LHPP: variants seen among roughly 807,000 people sequenced by gnomAD.
The protein encoded by LHPP is phospholysine phosphohistidine inorganic pyrophosphate phosphatase, also known as hLHPP.
In LHPP, 24 loss-of-function variants were observed where a neutral mutation model predicts 30.3. That is an observed-to-expected ratio of 0.79 (90% CI 0.57 to 1.11). The LOEUF (loss-of-function observed/expected upper bound fraction) is 1.11, where lower values mean the gene tolerates loss of function less well. Ranked by LOEUF, LHPP falls within the 50% of genes most tolerant of loss-of-function variation. LHPP has a pLI of 0.00. For missense variants in LHPP, 356 were observed against 367.2 expected (o/e 0.97, Z 0.25); for synonymous variants, 150 against 157.1 (o/e 0.95, Z 0.34).
intron 6 of LHPP, among the ~76,000 whole-genome samples, chr10:124,565,974 C>A (rs1225063468): frequency 6.6e-6 from 1 of 152,266 alleles, no homozygotes; most frequent in Non-Finnish European, 1.5e-5. Context: ...CCCCTGCAGT[C>A]CGCAGAGGGC....
rs1949231331 is a variant in LHPP at position 124,613,494 on chromosome 10, C to T, written c.*134C>T. On this transcript the variant is annotated 3_prime_UTR_variant, in exon 7 of 7. Coordinates refer to ENST00000368842, the MANE Select transcript of LHPP (RefSeq NM_022126.4). The stretch of plus-strand genomic sequence containing the variant: ...ACCCCTGCCTCTCCTCCACCCCTGC[C>T]TCCCCTCCACCTGCCCCAGTGCCCA... The T allele has an allele frequency of 1.5e-6, 1 of 670,674 alleles. No individual in the cohort carries two copies. The allele number at this position is 670,674 out of a possible 1,614,324, so 41.5% of individuals were successfully genotyped here. A position where few individuals can be genotyped will look rare whatever the true frequency, so the allele number is the denominator to read the frequency against.
chr10:124,496,879 C>T lies in LHPP; in HGVS notation c.468-82C>T, dbSNP rs1022944518. The stretch of plus-strand genomic sequence containing the variant: ...GGCTCTGCAGCCAGCGGGACAGGCC[C>T]GGTGCTCAGCTCCCGATACTTAGCA... On this transcript the variant is annotated intron_variant, in intron 3 of 6. Coordinates refer to ENST00000368842, the MANE Select transcript of LHPP (RefSeq NM_022126.4). The surrounding 1 kb of genome is among the most constrained non-coding windows in gnomAD (Gnocchi z 4.3). The T allele has an allele frequency of 1.2e-5, 15 of 1,291,716 alleles. No homozygotes were observed. Among genetic ancestry groups the T allele is most frequent in the Admixed American group, 3.7e-5 (2 of 53,388 alleles). 80.0% of individuals were successfully genotyped at this position (1,291,716 alleles called of 1,614,324 possible). A position where few individuals can be genotyped will look rare whatever the true frequency, so the allele number is the denominator to read the frequency against.
At chr10:124,497,123 A>C (rs1160114391) in intron 4 of LHPP, 99 bp downstream of exon 4, 4 of 988,076 alleles carry the variant, frequency 4.0e-6, no homozygotes, top group African/African-American at 1.6e-5. Context: ...ATTAACGTAC[A>C]AATGGCCTTT....
At chr10:124,471,342 C>T (rs117776562) in intron 1 of LHPP, among the ~76,000 whole-genome samples, 221 of 142,386 alleles carry the variant, frequency 1.6e-3, no homozygotes, top group Middle Eastern at 7.0e-3. Context: ...TTTGTAGCCT[C>T]AGAGCACTTA....
intron 6 of LHPP, among the ~76,000 whole-genome samples, chr10:124,519,740 A>G (rs1160629624): frequency 3.3e-5 from 5 of 152,172 alleles, no homozygotes; most frequent in Non-Finnish European, 5.9e-5. Context: ...CTCCAACTCC[A>G]TCTAGGTTTG....
Position 124,590,356 on chromosome 10 carries a change from A to C in LHPP, c.717-22908A>C, listed in dbSNP as rs939601907. On this transcript the variant is annotated intron_variant, in intron 6 of 6. Transcript: ENST00000368842. The surrounding 1 kb of genome is among the most constrained non-coding windows in gnomAD (Gnocchi z 4.3). ...TGCTGGAACCCTCCGCACGAGGGCA[A>C]CCTTTCTTGGGCTCTGAAGGCGCCT... Among the ~76,000 whole-genome samples the C allele has an allele frequency of 6.6e-6, 1 of 152,068 alleles. No individual in the cohort carries two copies. Among genetic ancestry groups the C allele is most frequent in the Non-Finnish European group, 1.5e-5 (1 of 68,000 alleles).
chr10:124,463,296 T>A (rs113159119), intron 1 of LHPP, among the ~76,000 whole-genome samples: 13,052 of 152,184 alleles, frequency 0.086, 1,616 homozygotes, highest in African/African-American at 0.27. Context: ...TATAATTCTG[T>A]TGGACTGCAT....
chr10:124,516,269 T>C (rs1954451538), intron 5 of LHPP, among the ~76,000 whole-genome samples: 2 of 152,262 alleles, frequency 1.3e-5, no homozygotes, highest in African/African-American at 4.8e-5. Flanking sequence ...GCCTCTCCTC[T>C]GTGCTTGCAT....
intron 5 of LHPP, among the ~76,000 whole-genome samples, chr10:124,508,322 AG>A (rs1954213109): frequency 6.6e-6 from 1 of 152,172 alleles, no homozygotes; most frequent in African/African-American, 2.4e-5. Flanking sequence ...GACTGGGAGC[AG>A]GCTGGCCTGC....
chr10:124,608,257 T>G (rs2134018989), intron 6 of LHPP, among the ~76,000 whole-genome samples: 1 of 152,146 alleles, frequency 6.6e-6, no homozygotes, highest in South Asian at 2.1e-4. Context: ...CATCAGTGTG[T>G]CCGTCCGTCT....
chr10:124,511,562 G>A (rs190130971), intron 5 of LHPP, among the ~76,000 whole-genome samples: 107 of 152,274 alleles, frequency 7.0e-4, no homozygotes, highest in African/African-American at 2.5e-3. Context: ...CACCTCCTCC[G>A]AGCTCTCTCT....
chr10:124,519,432 T>G (rs1230958941), intron 6 of LHPP, among the ~76,000 whole-genome samples: 1 of 152,226 alleles, frequency 6.6e-6, no homozygotes, highest in Non-Finnish European at 1.5e-5. Flanking sequence ...TCATAATGAT[T>G]TTTTTGGTAA....
chr10:124,481,484 C>G (rs866680724), intron 1 of LHPP, among the ~76,000 whole-genome samples: 4 of 144,796 alleles, frequency 2.8e-5, no homozygotes, highest in Non-Finnish European at 6.0e-5. Context: ...TCAAGAGATT[C>G]TTCTACCTCA....
At chr10:124,610,527 AGGGTGCTGATGGAGCGGGTGAGGGTGC>A (rs1444876608) in intron 6 of LHPP, among the ~76,000 whole-genome samples, 3 of 37,450 alleles carry the variant, frequency 8.0e-5, no homozygotes, top group African/African-American at 2.1e-4. Context: ...GGTGCGGGTG[AGGGTGCTGATGGAGCGGGTGAGGGTGC>A]GGGTGAGGGT....
At chr10:124,516,651 A>C (rs1247419836) in intron 5 of LHPP, among the ~76,000 whole-genome samples, 2 of 152,170 alleles carry the variant, frequency 1.3e-5, no homozygotes, top group African/African-American at 4.8e-5. Flanking sequence ...TAGTTTTTGA[A>C]ATGATACCCA....
chr10:124,562,109 C>T (rs1029353970), intron 6 of LHPP, among the ~76,000 whole-genome samples: 10 of 151,884 alleles, frequency 6.6e-5, no homozygotes, highest in African/African-American at 2.4e-4. Context: ...GAGTTTGAGA[C>T]CAGACCTGGG....
chr10:124,500,676 G>A (rs73365840), intron 5 of LHPP, among the ~76,000 whole-genome samples: 5,727 of 151,678 alleles, frequency 0.038, 466 homozygotes, highest in African/African-American at 0.13. Context: ...ATCAGGAAAT[G>A]CAGATCAAAA....
chr10:124,607,531 G>A (rs1053490117), intron 6 of LHPP, among the ~76,000 whole-genome samples: 4 of 152,208 alleles, frequency 2.6e-5, no homozygotes, highest in South Asian at 2.1e-4. Context: ...CTAGGTACAC[G>A]TGCGGAGTGG....
intron 6 of LHPP, among the ~76,000 whole-genome samples, chr10:124,539,558 C>G (rs1005446072): frequency 2.6e-5 from 4 of 152,008 alleles, no homozygotes; most frequent in Non-Finnish European, 5.9e-5. Flanking sequence ...GCCAGAAGCT[C>G]GAGACCGCCT....
Sources: gnomAD v4.1 joint callset for allele counts (sites outside exome capture counted in the v4.1 genomes callset) on GRCh38, gnomAD v4.1.1 for gene constraint, Gnocchi (gnomAD v3.1) non-coding constraint, MANE v1.5 for transcripts, NCBI Gene and HGNC (gene_info 2026-07-23, HGNC 2026-07-21) for gene names.